AGBL4: variants seen among roughly 807,000 people sequenced by gnomAD.
AGBL4 encodes the protein AGBL carboxypeptidase 4, also known as cytosolic carboxypeptidase 6.
In AGBL4, 58 loss-of-function variants were observed where a neutral mutation model predicts 66.4. That is an observed-to-expected ratio of 0.87 (90% confidence interval 0.71 to 1.09). AGBL4 has a LOEUF of 1.09. Among genes scored for constraint, AGBL4 ranks in the 50% least tolerant of loss-of-function variants. AGBL4 has a pLI of 0.00. For synonymous variants in AGBL4, 234 were observed against 222.9 expected (o/e 1.05, Z -0.44); for missense variants, 579 against 631.0 (o/e 0.92, Z 0.88).
At chr1:49,234,596 T>C (rs552320395) in intron 4 of AGBL4, among the ~76,000 whole-genome samples, 25 of 152,196 alleles carry the variant, frequency 1.6e-4, no homozygotes, top group Non-Finnish European at 3.1e-4. Flanking sequence ...AATTTGTTTT[T>C]TGTGGCCTTT....
In AGBL4 at chr1:48,619,267, AAG is replaced by A. The variant is rs754386834; in HGVS notation, c.951+15224_951+15225del. 1.6e-4 allele frequency among the ~76,000 whole-genome samples: 25 copies of A among 152,358 alleles called. No individual in the cohort carries two copies. The Middle Eastern group carries it at 0.017, about 104-fold the overall frequency. ...AAGAGAGTGCAGAGGTGACGGAAACAAGAGTTTCATCCCTCAGGGAGTCCACA... is the reference window on the plus strand; with the variant it reads ...AAGAGAGTGCAGAGGTGACGGAAACAAGTTTCATCCCTCAGGGAGTCCACA... On this transcript the variant is annotated intron_variant, in intron 9 of 13. Coordinates refer to ENST00000371839, the MANE Select transcript of AGBL4 (RefSeq NM_032785.4).
chr1:49,422,055 T>C (rs1347910842), intron 3 of AGBL4, among the ~76,000 whole-genome samples: 1 of 152,220 alleles, frequency 6.6e-6, no homozygotes, highest in East Asian at 1.9e-4. Context: ...GAGAGATTCT[T>C]ATGTAGATAG....
At chr1:49,619,292 T>C (rs182217830) in intron 3 of AGBL4, among the ~76,000 whole-genome samples, 172 of 152,262 alleles carry the variant, frequency 1.1e-3, no homozygotes, top group African/African-American at 4.1e-3. Flanking sequence ...AAAACCAATG[T>C]GCAAAAACCA....
intron 5 of AGBL4, among the ~76,000 whole-genome samples, chr1:48,888,923 C>T (rs879821270): frequency 2.0e-5 from 3 of 152,130 alleles, no homozygotes; most frequent in Non-Finnish European, 2.9e-5. Flanking sequence ...TTTGTTTGGT[C>T]GCCTTTCTTT....
intron 2 of AGBL4, among the ~76,000 whole-genome samples, chr1:49,716,475 T>C (rs1295064991): frequency 1.3e-5 from 2 of 151,958 alleles, no homozygotes; most frequent in African/African-American, 2.4e-5. Flanking sequence ...CTAGTTTTTT[T>C]CTAATTGTGT....
chr1:48,938,559 T>A (rs1056821812), intron 5 of AGBL4, among the ~76,000 whole-genome samples: 2 of 152,106 alleles, frequency 1.3e-5, no homozygotes, highest in Non-Finnish European at 2.9e-5. Context: ...AAAAGACTAT[T>A]CCAAGTCAGG....
rs552727997 is a variant in AGBL4, at chr1:49,619,447, C to A, written c.282+77866G>T. Among the ~76,000 whole-genome samples, 134 of 152,216 alleles carry A rather than the reference C, an allele frequency of 8.8e-4. 1 individual carries two copies. The highest frequency in any genetic ancestry group is 1.2e-3 in the South Asian group (6 of 4,824). On this transcript the variant is annotated intron_variant, in intron 3 of 13. Coordinates refer to ENST00000371839, the MANE Select transcript of AGBL4 (RefSeq NM_032785.4). ...GGACCTCTTCAAGGAGAACTACAAA[C>A]CACTGCTCAAGGAAATAAGAGAGGA...
At chr1:49,947,568 C>A (rs1442874861) in intron 1 of AGBL4, among the ~76,000 whole-genome samples, 2 of 151,610 alleles carry the variant, frequency 1.3e-5, no homozygotes, top group African/African-American at 4.8e-5. Context: ...CCATCTATGA[C>A]AAATCCACAG....
intron 3 of AGBL4, among the ~76,000 whole-genome samples, chr1:49,677,629 T>A (rs1646606218): frequency 1.3e-5 from 2 of 152,090 alleles, no homozygotes; most frequent in Non-Finnish European, 2.9e-5. Context: ...AAGTGTTTTG[T>A]TCTCTATTTT....
chr1:49,619,841 G>A (rs571931789), intron 3 of AGBL4, among the ~76,000 whole-genome samples: 6 of 152,232 alleles, frequency 3.9e-5, no homozygotes, highest in East Asian at 1.9e-4. Context: ...TCTGATCTGC[G>A]ACAAACCTGA....
chr1:49,329,276 C>T (rs941462202), intron 3 of AGBL4, among the ~76,000 whole-genome samples: 23 of 152,116 alleles, frequency 1.5e-4, no homozygotes, highest in African/African-American at 5.5e-4. Flanking sequence ...CATTGCAATC[C>T]AGCCTGGGTG....
At chr1:49,866,687 C>A (rs1447808380) in intron 1 of AGBL4, among the ~76,000 whole-genome samples, 2 of 152,062 alleles carry the variant, frequency 1.3e-5, no homozygotes, top group Non-Finnish European at 2.9e-5. Context: ...TCATTTGAAC[C>A]CTGAAGGTGG....
intron 3 of AGBL4, among the ~76,000 whole-genome samples, chr1:49,679,454 T>C (rs1013045437): frequency 3.3e-5 from 5 of 152,134 alleles, no homozygotes; most frequent in African/African-American, 1.2e-4. Flanking sequence ...ATAATAACAT[T>C]TGAAATACAT....
chr1:48,641,547 T>A (rs1480705227), intron 8 of AGBL4, among the ~76,000 whole-genome samples: 1 of 152,160 alleles, frequency 6.6e-6, no homozygotes, highest in East Asian at 1.9e-4. Context: ...GAGTCCCAGT[T>A]CTGTCATCTA....
At chr1:49,090,388 G>A (rs1362885683) in intron 4 of AGBL4, among the ~76,000 whole-genome samples, 7 of 152,114 alleles carry the variant, frequency 4.6e-5, no homozygotes, top group Non-Finnish European at 1.0e-4. Context: ...CTTTAGCAAA[G>A]TTTCGGGATG....
At chr1:49,698,547 T>C (rs1647029585) in intron 2 of AGBL4, among the ~76,000 whole-genome samples, 1 of 151,988 alleles carries the variant, frequency 6.6e-6, no homozygotes, top group Non-Finnish European at 1.5e-5. Context: ...ATACAGCAAG[T>C]AAACAAGTAA....
At chr1:48,570,586 C>A (rs1377387039) in intron 11 of AGBL4, among the ~76,000 whole-genome samples, 1 of 151,982 alleles carries the variant, frequency 6.6e-6, no homozygotes, top group Admixed American at 6.6e-5. Flanking sequence ...TGCTTCATAA[C>A]GCTGCCATGA....
At chr1:49,680,553 T>C (rs1247322403) in intron 3 of AGBL4, among the ~76,000 whole-genome samples, 2 of 152,140 alleles carry the variant, frequency 1.3e-5, no homozygotes, top group Admixed American at 6.6e-5. Flanking sequence ...CAGCACTTTA[T>C]TGTGGGTTCC....
intron 3 of AGBL4, among the ~76,000 whole-genome samples, chr1:49,299,648 A>G (rs1376465413): frequency 3.9e-5 from 6 of 152,130 alleles, no homozygotes; most frequent in Admixed American, 3.9e-4. Flanking sequence ...TCCTGTCACA[A>G]TAGCTAGGAC....
Sources: gnomAD v4.1 joint callset for allele counts (sites outside exome capture counted in the v4.1 genomes callset) on GRCh38, gnomAD v4.1.1 for gene constraint, MANE v1.5 for transcripts, NCBI Gene and HGNC (gene_info 2026-07-23, HGNC 2026-07-21) for gene names.